GPHN: variants seen among roughly 807,000 people sequenced by gnomAD.
The protein encoded by GPHN is gephyrin.
Under a neutral mutation model 95.5 loss-of-function variants are expected in GPHN, and 17 were observed. That is an observed-to-expected ratio of 0.18 (90% confidence interval 0.12 to 0.27). The LOEUF is 0.27. Among genes scored for constraint, GPHN ranks in the 10% least tolerant of loss-of-function variants. GPHN has a pLI of 1.00. For synonymous variants in GPHN, 320 were observed against 322.5 expected (o/e 0.99, Z 0.08); for missense variants, 660 against 978.1 (o/e 0.67, Z 4.34).
At chr14:66,922,110 A>G (rs1044144695) in intron 6 of GPHN, among the ~76,000 whole-genome samples, 8 of 152,196 alleles carry the variant, frequency 5.3e-5, no homozygotes, top group African/African-American at 1.9e-4. Flanking sequence ...TAAAAATTAT[A>G]GAAGATAACA....
At chr14:67,586,793 C>T in the GPHN span, 4 of 1,395,528 alleles carry the variant, frequency 2.9e-6, no homozygotes, top group Admixed American at 4.8e-5. Flanking sequence ...TTAAGAAGGC[C>T]CCTTCCCTGG....
intron 11 of GPHN, among the ~76,000 whole-genome samples, chr14:67,067,221 G>T (rs138728675): frequency 6.6e-6 from 1 of 152,226 alleles, no homozygotes; most frequent in African/African-American, 2.4e-5. Context: ...GTTTGCTGGA[G>T]GTCCACTCCA....
chr14:67,430,693 T>C, the GPHN span, among the ~76,000 whole-genome samples: 2 of 151,872 alleles, frequency 1.3e-5, no homozygotes, highest in African/African-American at 4.8e-5. Flanking sequence ...ACCGGTGCAA[T>C]ATCAGGCGCT....
At chr14:67,232,385 G>A in the GPHN span, among the ~76,000 whole-genome samples, 2 of 152,338 alleles carry the variant, frequency 1.3e-5, no homozygotes, top group Middle Eastern at 6.8e-3. Flanking sequence ...AGGTATGTGA[G>A]TGAGACTCCT....
At chr14:66,953,312 A>T (rs2068246194) in intron 8 of GPHN, among the ~76,000 whole-genome samples, 1 of 151,806 alleles carries the variant, frequency 6.6e-6, no homozygotes. Flanking sequence ...TCCTTTGCAC[A>T]AAAGTTTTTA....
the GPHN span, among the ~76,000 whole-genome samples, chr14:67,309,250 A>G: frequency 6.6e-6 from 1 of 152,202 alleles, no homozygotes; most frequent in South Asian, 2.1e-4. Context: ...TGACACTAGC[A>G]GGAAAGATTG....
chr14:66,688,830 C>T (rs575577458), intron 2 of GPHN, among the ~76,000 whole-genome samples: 7 of 150,530 alleles, frequency 4.7e-5, no homozygotes, highest in South Asian at 2.1e-4. Flanking sequence ...AACCAAACAC[C>T]GCATGTTCTC....
Position 66,924,179 on chromosome 14 carries a change from T to G in GPHN, c.730-15T>G. On this transcript the variant is annotated splice_polypyrimidine_tract_variant and intron_variant, in intron 7 of 22. Transcript: ENST00000478722. Reference sequence around the variant, plus strand: ...CCTGTCACTATATTCATAGTTGTTATGTGTTGTGCATTAGAAGCATCCATT... The same window carrying G: ...CCTGTCACTATATTCATAGTTGTTAGGTGTTGTGCATTAGAAGCATCCATT... 1 of 1,390,022 alleles carries G rather than the reference T, an allele frequency of 7.2e-7. No homozygotes were observed. The highest frequency in any genetic ancestry group is 1.0e-6 in the Non-Finnish European group (1 of 975,558). The allele number at this position is 1,390,022 out of a possible 1,614,324, so 86.1% of individuals were successfully genotyped here.
At chr14:67,554,974 G>A in the GPHN span, among the ~76,000 whole-genome samples, 1 of 152,096 alleles carries the variant, frequency 6.6e-6, no homozygotes, top group East Asian at 1.9e-4. Context: ...GTGCAGTGGT[G>A]CCATCTCAGC....
At position 67,089,010 on chromosome 14, in the gene GPHN, A is replaced by G. The variant is rs1374495502; in HGVS notation, c.1172A>G (p.Asp391Gly). Residue 391 changes from aspartate (D) to glycine (G), a missense_variant, in exon 12 of 23, where the codon GAT (aspartate) becomes GGT (glycine). By Grantham distance (94) the Asp-to-Gly change is moderately conservative. Coordinates refer to ENST00000478722, the MANE Select transcript of GPHN (RefSeq NM_020806.5). ...GGAATGGGGCGAGTCCTTGCTCAAG[A>G]TGTATATGCAAAAGACAATTTACCC... The part of the protein sequence containing the change: ...RDGMGRVLAQ[D>G]VYAKDNLPPF... 7 of 1,600,224 alleles carry G rather than the reference A, an allele frequency of 4.4e-6. No homozygotes were observed. Among genetic ancestry groups the G allele is most frequent in the Non-Finnish European group, 6.0e-6 (7 of 1,167,752 alleles).
chr14:67,048,073 A>AC, intron 10 of GPHN, among the ~76,000 whole-genome samples: 1 of 152,306 alleles, frequency 6.6e-6, no homozygotes, highest in South Asian at 2.1e-4. Context: ...TGACCACACC[A>AC]CAAAAAAAGG....
At chr14:66,696,007 T>C (rs1212972437) in intron 2 of GPHN, among the ~76,000 whole-genome samples, 1 of 152,176 alleles carries the variant, frequency 6.6e-6, no homozygotes, top group Non-Finnish European at 1.5e-5. Flanking sequence ...CTGTGGACTT[T>C]GGGTGATAAT....
At chr14:67,383,453 C>CAA in the GPHN span, 1 of 1,612,026 alleles carries the variant, frequency 6.2e-7, no homozygotes, top group Non-Finnish European at 8.5e-7. Flanking sequence ...TTGTGGGAAA[C>CAA]AGAGTCCAAT....
rs979909612 is a variant in GPHN at position 67,072,224 on chromosome 14, T to C, written c.1144+13438T>C. Among the ~76,000 whole-genome samples the C allele has an allele frequency of 2.0e-4, 31 of 152,208 alleles. 1 individual carries two copies. The highest frequency in any genetic ancestry group is 1.8e-3 in the Admixed American group (27 of 15,282). On this transcript the variant is annotated intron_variant, in intron 11 of 22. Coordinates refer to ENST00000478722, the MANE Select transcript of GPHN (RefSeq NM_020806.5). ...AAAATAGAAATTTTCTCAGAAGTAA[T>C]GGCATAAAAATACCTTATTCCAGTA...
At chr14:67,611,428 G>GT in the GPHN span, among the ~76,000 whole-genome samples, 1,415 of 138,800 alleles carry the variant, frequency 0.01, 18 homozygotes, top group Middle Eastern at 0.032. Flanking sequence ...TAATTTTTTG[G>GT]TTTTTTTTTT....
At chr14:66,576,324 C>T (rs946668268) in intron 1 of GPHN, among the ~76,000 whole-genome samples, 2 of 151,280 alleles carry the variant, frequency 1.3e-5, no homozygotes, top group East Asian at 3.9e-4. Flanking sequence ...ATGTTTGGCT[C>T]TTTTAGCTCT....
At chr14:67,597,842 G>A in the GPHN span, among the ~76,000 whole-genome samples, 1 of 152,098 alleles carries the variant, frequency 6.6e-6, no homozygotes, top group Non-Finnish European at 1.5e-5. Context: ...AGGGGAAGTG[G>A]TGGTTAGTGA....
the GPHN span, among the ~76,000 whole-genome samples, chr14:67,293,087 A>G: frequency 6.6e-6 from 1 of 152,136 alleles, no homozygotes; most frequent in Non-Finnish European, 1.5e-5. Context: ...ATTATAACTG[A>G]TAATCAGGCA....
chr14:67,589,248 A>G, the GPHN span: 1 of 686,860 alleles, frequency 1.5e-6, no homozygotes, highest in Non-Finnish European at 1.8e-6. Flanking sequence ...CTCCTCCCCA[A>G]CCCTTCAGGA....
Sources: allele counts gnomAD v4.1 joint callset (sites outside exome capture counted in the v4.1 genomes callset), GRCh38; gene constraint gnomAD v4.1.1; transcripts MANE v1.5; gene names NCBI Gene and HGNC (gene_info 2026-07-23, HGNC 2026-07-21).